Variants in DOCK3 observed in about 807,000 individuals in gnomAD.
DOCK3 encodes the protein dedicator of cytokinesis 3.
Under a neutral mutation model 265.6 loss-of-function variants are expected in DOCK3, and 60 were observed. That is an observed-to-expected ratio of 0.23 (90% confidence interval 0.18 to 0.28). DOCK3 has a LOEUF of 0.28. DOCK3 is among the 10% of genes least tolerant of loss of function. DOCK3 has a pLI of 1.00. For missense variants in DOCK3, 1,981 were observed against 2,594.3 expected (o/e 0.76, Z 5.14); for synonymous variants, 881 against 938.0 (o/e 0.94, Z 1.11).
chr3:50,872,553 T>C (rs2047483359), intron 3 of DOCK3, among the ~76,000 whole-genome samples: 1 of 152,188 alleles, frequency 6.6e-6, no homozygotes, highest in Admixed American at 6.5e-5. Context: ...ACCATATATG[T>C]CTGTTCAAGG....
At chr3:50,945,448 CT>C (rs1483313064) in intron 5 of DOCK3, among the ~76,000 whole-genome samples, 4 of 151,978 alleles carry the variant, frequency 2.6e-5, no homozygotes, top group African/African-American at 9.7e-5. Flanking sequence ...AGATGACATG[CT>C]TTGTAACAGT....
At chr3:50,946,820 T>A (rs1009567246) in intron 5 of DOCK3, among the ~76,000 whole-genome samples, 2 of 152,200 alleles carry the variant, frequency 1.3e-5, no homozygotes, top group African/African-American at 2.4e-5. Context: ...TGGGTAAGCT[T>A]ATGATGCAGT....
intron 5 of DOCK3, among the ~76,000 whole-genome samples, chr3:50,959,191 T>C (rs1238033230): frequency 1.3e-5 from 2 of 152,202 alleles, no homozygotes; most frequent in Non-Finnish European, 2.9e-5. Context: ...TTTTAAATAA[T>C]AGACTGTTGC....
intron 9 of DOCK3, among the ~76,000 whole-genome samples, chr3:51,109,973 G>A (rs2083443759): frequency 6.6e-6 from 1 of 151,664 alleles, no homozygotes; most frequent in Non-Finnish European, 1.5e-5. Flanking sequence ...AAATGACAAA[G>A]GGAATATTAC....
chr3:51,320,594 A>G (rs1330014500), intron 32 of DOCK3, among the ~76,000 whole-genome samples: 4 of 152,184 alleles, frequency 2.6e-5, no homozygotes, highest in Non-Finnish European at 5.9e-5. Context: ...TCTCACTGCC[A>G]GCACAGCAGT....
At chr3:50,976,031 CT>C (rs1192036022) in intron 5 of DOCK3, among the ~76,000 whole-genome samples, 6 of 151,450 alleles carry the variant, frequency 4.0e-5, no homozygotes, top group African/African-American at 7.3e-5. Flanking sequence ...ATTCTTCTCT[CT>C]TTTTTTCTTT....
chr3:51,340,051 T>A (rs1350988457), intron 37 of DOCK3, among the ~76,000 whole-genome samples: 1 of 152,218 alleles, frequency 6.6e-6, no homozygotes. Context: ...GGGCTGAGTC[T>A]ACCATTCTCT....
intron 9 of DOCK3, among the ~76,000 whole-genome samples, chr3:51,105,483 A>G (rs185502849): frequency 3.7e-4 from 56 of 152,370 alleles, no homozygotes; most frequent in Non-Finnish European, 5.1e-4. Flanking sequence ...TTTGTTCATC[A>G]TAGCCAAAAA....
At chr3:51,251,090 G>C (rs1007708840) in intron 22 of DOCK3, among the ~76,000 whole-genome samples, 3 of 152,058 alleles carry the variant, frequency 2.0e-5, no homozygotes, top group African/African-American at 7.2e-5. Flanking sequence ...TCATTGTTCA[G>C]TTCTCACCTA....
chr3:50,794,972 T>C (rs928640248), intron 2 of DOCK3, among the ~76,000 whole-genome samples: 3 of 152,146 alleles, frequency 2.0e-5, no homozygotes, highest in Admixed American at 6.6e-5. Context: ...GGATCTTATT[T>C]CTTGTTGGCT....
chr3:51,043,532 A>G (rs2080627722), intron 5 of DOCK3, among the ~76,000 whole-genome samples: 1 of 152,192 alleles, frequency 6.6e-6, no homozygotes, highest in African/African-American at 2.4e-5. Flanking sequence ...ACAGGCAAAG[A>G]TTTCATGACA....
chr3:51,196,513 C>T (rs994424281), intron 12 of DOCK3, among the ~76,000 whole-genome samples: 1 of 152,122 alleles, frequency 6.6e-6, no homozygotes, highest in East Asian at 1.9e-4. Context: ...GTCTTTGTCT[C>T]TTTGAACTTG....
chr3:50,915,463 G>A (rs567506781), intron 4 of DOCK3, among the ~76,000 whole-genome samples: 2 of 152,132 alleles, frequency 1.3e-5, no homozygotes, highest in South Asian at 2.1e-4. Context: ...TCTAGGGGAC[G>A]AGTTCACCTG....
chr3:50,973,110 C>CTT (rs528993761), intron 5 of DOCK3, among the ~76,000 whole-genome samples: 1 of 28,262 alleles, frequency 3.5e-5, no homozygotes, highest in Non-Finnish European at 6.8e-5. Flanking sequence ...ACTTAAATTT[C>CTT]TTTTTTTTTT....
chr3:50,943,235 C>T (rs1415893693), intron 5 of DOCK3, among the ~76,000 whole-genome samples: 1 of 151,852 alleles, frequency 6.6e-6, no homozygotes, highest in African/African-American at 2.4e-5. Context: ...ATAGGCAGAC[C>T]ACAGAGGATT....
intron 32 of DOCK3, among the ~76,000 whole-genome samples, chr3:51,323,816 A>T (rs2083903897): frequency 2.0e-5 from 3 of 152,206 alleles, no homozygotes; most frequent in Admixed American, 2.0e-4. Flanking sequence ...CTAGCAGAAG[A>T]CAAGAAATAA....
At chr3:50,804,558 G>A (rs566265234) in intron 2 of DOCK3, among the ~76,000 whole-genome samples, 3 of 152,290 alleles carry the variant, frequency 2.0e-5, no homozygotes, top group East Asian at 1.9e-4. Context: ...CTAACACGGC[G>A]AAACCCCATC....
intron 27 of DOCK3, among the ~76,000 whole-genome samples, chr3:51,308,695 G>A (rs574926741): frequency 2.2e-4 from 34 of 152,138 alleles, no homozygotes; most frequent in Non-Finnish European, 4.1e-4. Flanking sequence ...CCACAAAACC[G>A]CCATTGTCAT....
chr3:51,341,503 G>C, intron 38 of DOCK3, 118 bp downstream of exon 38: 1 of 1,426,270 alleles, frequency 7.0e-7, no homozygotes, highest in Non-Finnish European at 9.6e-7. Context: ...TGAGTGGGTG[G>C]GTGCCTATCT....
Sources: gnomAD v4.1 joint callset for allele counts (sites outside exome capture counted in the v4.1 genomes callset) on GRCh38, gnomAD v4.1.1 for gene constraint, MANE v1.5 for transcripts, NCBI Gene and HGNC (gene_info 2026-07-23, HGNC 2026-07-21) for gene names.